The following UPP1 variants were observed in gnomAD, a reference collection of about 807,000 sequenced individuals.
UPP1 encodes uridine phosphorylase 1.
Under a neutral mutation model 29.6 loss-of-function variants are expected in UPP1, and 25 were observed. The observed-to-expected ratio is 0.85, with a 90% confidence interval of 0.62 to 1.18. UPP1 has a LOEUF of 1.18. Among genes scored for constraint, UPP1 ranks in the 50% most tolerant of loss-of-function variants. UPP1 has a pLI of 0.00. For synonymous variants in UPP1, 165 were observed against 159.8 expected, an observed-to-expected ratio of 1.03 and a Z score of -0.25; for missense variants, 368 against 410.4, an observed-to-expected ratio of 0.90 and a Z score of 0.89.
chr7:48,107,274 C>A, intron 7 of UPP1, 87 bp from the exon 8 acceptor site: 2 of 1,521,378 alleles, frequency 1.3e-6, no homozygotes, highest in Non-Finnish European at 8.9e-7. Flanking sequence ...TTGCTTGTCC[C>A]TGTGTCCTTC....
At chr7:48,108,083 C>G in intron 8 of UPP1, 135 bp from the exon 9 acceptor site, 1 of 1,347,010 alleles carries the variant, frequency 7.4e-7, no homozygotes, top group Non-Finnish European at 1.0e-6. Context: ...TCCGGCCCCG[C>G]CTGACTGCAT....
intron 3 of UPP1, among the ~76,000 whole-genome samples, chr7:48,097,648 A>G (rs1792195187): frequency 6.6e-6 from 1 of 152,200 alleles, no homozygotes. Context: ...AATATGTGAC[A>G]AAGTTGTCTT....
At chr7:48,100,069 T>C (rs1173492865) in intron 4 of UPP1, among the ~76,000 whole-genome samples, 1 of 152,200 alleles carries the variant, frequency 6.6e-6, no homozygotes, top group Non-Finnish European at 1.5e-5. Context: ...AATGCAGCCT[T>C]AGGTATTTCA....
At chr7:48,103,976 T>C (rs929733463) in intron 6 of UPP1, 8 of 1,150,920 alleles carry the variant, frequency 7.0e-6, no homozygotes, top group East Asian at 5.9e-5. Context: ...TCCCAGCACA[T>C]TGGGAGGCCG....
Position 48,106,963 on chromosome 7 carries a change from T to C in UPP1, c.527T>C (p.Val176Ala). The C allele has an allele frequency of 1.9e-6, 3 of 1,613,336 alleles. No homozygotes were observed. The highest frequency in any genetic ancestry group is 2.5e-6 in the Non-Finnish European group (3 of 1,179,934). ...GAGCAGATTGTCCTGGGGAAGCGGG[T>C]CATCCGGAAAACGGACCTTAACAAG... is the stretch of plus-strand genomic sequence containing the variant. ...EFEQIVLGKR[V>A]IRKTDLNKKL... is the part of the protein sequence containing the mutation. The change falls in exon 7 of 9, where the codon GTC becomes GCC. Residue 176 changes from valine (V) to alanine (A), a missense_variant. Val to Ala is a moderately conservative substitution (Grantham distance 64, BLOSUM62 0). Coordinates refer to ENST00000395564, the MANE Select transcript of UPP1 (RefSeq NM_003364.4).
intron 2 of UPP1, among the ~76,000 whole-genome samples, chr7:48,091,391 G>T (rs1791826638): frequency 6.6e-6 from 1 of 151,472 alleles, no homozygotes; most frequent in Non-Finnish European, 1.5e-5. Context: ...TCCTAAGCCA[G>T]GTTTAGGATT....
chr7:48,108,623 T>C lies in UPP1; in HGVS notation c.*266T>C. ...AATTTTTGTACTATTTCTAGGGAAA[T>C]TTTTCAGACTTTAAAATTCTAATGG... On this transcript the variant is annotated 3_prime_UTR_variant, in exon 9 of 9. Transcript: ENST00000395564. The C allele has an allele frequency of 3.3e-6, 1 of 302,866 alleles. No individual in the cohort carries two copies. The highest frequency in any genetic ancestry group is 5.6e-5 in the East Asian group (1 of 17,762). The allele number at this position is 302,866 out of a possible 1,614,324, so 18.8% of individuals were successfully genotyped here.
intron 8 of UPP1, among the ~76,000 whole-genome samples, 170 bp from the exon 9 acceptor site, chr7:48,108,048 C>T (rs1000333095): frequency 1.3e-5 from 2 of 152,188 alleles, no homozygotes; most frequent in African/African-American, 4.8e-5. Flanking sequence ...CCTGGACCAG[C>T]GCCTTTCCCT....
At chr7:48,104,040 A>C (rs374235934) in intron 6 of UPP1, 2 of 523,526 alleles carry the variant, frequency 3.8e-6, no homozygotes, top group East Asian at 1.4e-4. Flanking sequence ...CAACATGGTG[A>C]AACCCCGTCT....
At chr7:48,094,327 C>T (rs1230664742) in intron 2 of UPP1, among the ~76,000 whole-genome samples, 2 of 152,146 alleles carry the variant, frequency 1.3e-5, no homozygotes, top group African/African-American at 4.8e-5. Context: ...GATTGTCCTC[C>T]CTCAGCCTCC....
In UPP1 at chr7:48,103,309, ATTCC is replaced by A; in HGVS notation, c.338_341del (p.Pro113LeufsTer10). The A allele has an allele frequency of 1.4e-6, 2 of 1,480,112 alleles. No homozygotes were observed. The highest frequency in any genetic ancestry group is 1.9e-6 in the Non-Finnish European group (2 of 1,068,038). The allele number at this position is 1,480,112 out of a possible 1,614,324, so 91.7% of individuals were successfully genotyped here. On this transcript the variant is annotated frameshift_variant, in exon 6 of 9. Coordinates refer to ENST00000395564, the MANE Select transcript of UPP1 (RefSeq NM_003364.4). LOFTEE classifies it high-confidence loss of function. ...TCCCTGGTTCCAGCATGGTATGGGC[ATTCC>A]TTCTATCTCAATCATGTTGCATGAG...
In UPP1 at chr7:48,101,998, C is replaced by T. The variant is rs1352049884; in HGVS notation, c.321+16C>T. On this transcript the variant is annotated intron_variant, in intron 5 of 8. Transcript: ENST00000395564. Reference sequence around the variant, plus strand: ...GTCTGTCAGTGTGAGTACCTGCCTTCCCTTGTGCTCAGTCTCTAGGCTCTG... The same window carrying T: ...GTCTGTCAGTGTGAGTACCTGCCTTTCCTTGTGCTCAGTCTCTAGGCTCTG... 6.2e-7 allele frequency: 1 copy of T among 1,610,558 alleles called. No individual in the cohort carries two copies. Among genetic ancestry groups the T allele is most frequent in the Non-Finnish European group, 8.5e-7 (1 of 1,177,766 alleles).
chr7:48,096,846 T>A (rs1792155715), intron 3 of UPP1, among the ~76,000 whole-genome samples: 1 of 151,990 alleles, frequency 6.6e-6, no homozygotes, highest in Non-Finnish European at 1.5e-5. Context: ...ACTACAGGCA[T>A]GCACCACCAC....
chr7:48,102,061 G>C (rs1792458546), intron 5 of UPP1, 79 bp downstream of exon 5: 9 of 1,494,300 alleles, frequency 6.0e-6, no homozygotes, highest in Non-Finnish European at 8.2e-6. Context: ...CACACAGACA[G>C]CTGGTCCCCT....
intron 7 of UPP1, 91 bp downstream of exon 7, chr7:48,107,173 A>G: frequency 6.6e-7 from 1 of 1,507,704 alleles, no homozygotes; most frequent in Non-Finnish European, 9.1e-7. Flanking sequence ...TGGCGTTTCC[A>G]CTTGCCAGGC....
intron 2 of UPP1, among the ~76,000 whole-genome samples, chr7:48,094,065 CAGA>C (rs1323984932): frequency 6.6e-6 from 1 of 152,046 alleles, no homozygotes; most frequent in Non-Finnish European, 1.5e-5. Flanking sequence ...GAGGCTGAGG[CAGA>C]AGAATTGCCT....
chr7:48,092,479 C>T (rs939322539), intron 2 of UPP1, among the ~76,000 whole-genome samples: 6 of 152,036 alleles, frequency 3.9e-5, no homozygotes, highest in Admixed American at 1.3e-4. Context: ...AAGCTTCATC[C>T]CTACACTGTC....
chr7:48,089,905 A>G (rs1213418442), intron 1 of UPP1, among the ~76,000 whole-genome samples: 1 of 152,202 alleles, frequency 6.6e-6, no homozygotes. Flanking sequence ...TGGTGACTTA[A>G]GTGACGAAGT....
chr7:48,093,228 T>G (rs562051759), intron 2 of UPP1, among the ~76,000 whole-genome samples: 2 of 152,318 alleles, frequency 1.3e-5, no homozygotes, highest in South Asian at 2.1e-4. Context: ...TAGTTTTCCC[T>G]GGCATTCAAA....
Sources: gnomAD v4.1 joint callset for allele counts (sites outside exome capture counted in the v4.1 genomes callset) on GRCh38, gnomAD v4.1.1 for gene constraint, MANE v1.5 for transcripts, NCBI Gene and HGNC (gene_info 2026-07-23, HGNC 2026-07-21) for gene names.